Variants in FSTL5 observed in about 807,000 individuals in gnomAD.
FSTL5 encodes follistatin-related protein 5.
In FSTL5, 62 loss-of-function variants were observed where a neutral mutation model predicts 89.1. The ratio of observed to expected loss-of-function variants is 0.70; its 90% CI spans 0.57 to 0.86. The LOEUF is 0.86. Ranked by LOEUF, FSTL5 falls within the 40% of genes least tolerant of loss-of-function variation. FSTL5 has a pLI of 0.00. For missense variants in FSTL5, 1,057 were observed against 1,001.6 expected (o/e 1.06, Z -0.75); for synonymous variants, 383 against 346.2 (o/e 1.11, Z -1.18).
At chr4:161,997,750 G>T (rs769188558) in intron 3 of FSTL5, among the ~76,000 whole-genome samples, 1 of 151,500 alleles carries the variant, frequency 6.6e-6, no homozygotes, top group Non-Finnish European at 1.5e-5. Flanking sequence ...GACTAAAGGC[G>T]CCCGCCACCA....
intron 8 of FSTL5, among the ~76,000 whole-genome samples, chr4:161,581,775 C>T (rs1733446963): frequency 2.6e-5 from 4 of 152,118 alleles, no homozygotes; most frequent in Admixed American, 2.6e-4. Flanking sequence ...CACATCCGCA[C>T]AATATTATGT....
intron 7 of FSTL5, among the ~76,000 whole-genome samples, chr4:161,646,108 C>T (rs924885151): frequency 6.7e-6 from 1 of 148,972 alleles, no homozygotes; most frequent in Non-Finnish European, 1.5e-5. Flanking sequence ...AATTTGGGTT[C>T]TGTTAGCAAT....
chr4:161,587,412 T>C (rs550248737), intron 8 of FSTL5, 43 bp downstream of exon 8: 24 of 1,597,086 alleles, frequency 1.5e-5, no homozygotes, highest in Admixed American at 1.0e-4. Flanking sequence ...TAGTAAACTA[T>C]GGTGTTCTTT....
chr4:161,770,938 G>A (rs1001130009), intron 5 of FSTL5, among the ~76,000 whole-genome samples: 3 of 151,882 alleles, frequency 2.0e-5, no homozygotes, highest in East Asian at 1.9e-4. Context: ...ACACTCATGC[G>A]AGCTATATGA....
chr4:162,131,337 ATGTATT>A (rs1732294185), intron 1 of FSTL5, among the ~76,000 whole-genome samples: 1 of 152,216 alleles, frequency 6.6e-6, no homozygotes, highest in African/African-American at 2.4e-5. Context: ...AAATGAATGA[ATGTATT>A]TGTTTATACT....
At chr4:161,639,991 C>T (rs920397423) in intron 7 of FSTL5, among the ~76,000 whole-genome samples, 2 of 151,968 alleles carry the variant, frequency 1.3e-5, no homozygotes, top group African/African-American at 2.4e-5. Context: ...CTTTTTGGAA[C>T]AAGACTTTAA....
At chr4:161,644,356 A>G (rs549689448) in intron 7 of FSTL5, among the ~76,000 whole-genome samples, 1 of 152,024 alleles carries the variant, frequency 6.6e-6, no homozygotes, top group South Asian at 2.1e-4. Context: ...GTGAAACTCT[A>G]TCTCTACTAA....
rs1321763285 is a variant in FSTL5, at chr4:161,496,555, C to G, written c.1458+3461G>C. Among the ~76,000 whole-genome samples the G allele has an allele frequency of 2.6e-5, 4 of 152,050 alleles. No homozygotes were observed. In the South Asian group the frequency reaches 8.3e-4, roughly 31 times the overall value. ...AACATAGAAATCCTGCTTGAGTTTC[C>G]AGCCTGCTCTATGAATTTAAGATTC... On this transcript the variant is annotated intron_variant, in intron 12 of 15. Transcript: ENST00000306100.
At chr4:161,797,554 A>G (rs553944909) in intron 4 of FSTL5, among the ~76,000 whole-genome samples, 1 of 151,744 alleles carries the variant, frequency 6.6e-6, no homozygotes, top group Non-Finnish European at 1.5e-5. Flanking sequence ...CAAAATTAGA[A>G]ATTGAAATAT....
chr4:161,730,264 C>T (rs1739561689), intron 6 of FSTL5, among the ~76,000 whole-genome samples: 1 of 151,880 alleles, frequency 6.6e-6, no homozygotes, highest in African/African-American at 2.4e-5. Flanking sequence ...TTTGGAAACT[C>T]TAGTAATAAA....
At chr4:161,797,892 T>C (rs978643315) in intron 4 of FSTL5, among the ~76,000 whole-genome samples, 3 of 151,640 alleles carry the variant, frequency 2.0e-5, no homozygotes, top group African/African-American at 4.8e-5. Context: ...TTGAATTTCA[T>C]TTTGACCCAT....
intron 4 of FSTL5, among the ~76,000 whole-genome samples, chr4:161,878,673 A>G (rs1440590): frequency 0.83 from 126,526 of 151,744 alleles, 53,392 homozygotes; most frequent in Non-Finnish European, 0.9. Context: ...TTGTAAAATA[A>G]AATAGAATAT....
At chr4:161,630,385 G>A (rs1203307647) in intron 7 of FSTL5, among the ~76,000 whole-genome samples, 1 of 152,196 alleles carries the variant, frequency 6.6e-6, no homozygotes, top group Non-Finnish European at 1.5e-5. Flanking sequence ...TATGGCACCT[G>A]GCAGTACAGC....
chr4:161,441,365 A>G (rs1030176995), intron 15 of FSTL5, among the ~76,000 whole-genome samples: 1 of 152,100 alleles, frequency 6.6e-6, no homozygotes, highest in African/African-American at 2.4e-5. Flanking sequence ...ACTGCAGATG[A>G]TATTGCCCTT....
intron 10 of FSTL5, among the ~76,000 whole-genome samples, chr4:161,523,620 C>A (rs1335491652): frequency 2.0e-5 from 3 of 152,130 alleles, no homozygotes; most frequent in African/African-American, 4.8e-5. Context: ...TTATCCAATA[C>A]ACGGATAAAG....
At chr4:161,860,256 C>G (rs1731867382) in intron 4 of FSTL5, among the ~76,000 whole-genome samples, 2 of 151,654 alleles carry the variant, frequency 1.3e-5, no homozygotes, top group Admixed American at 6.6e-5. Context: ...CCACTGCACT[C>G]CAGCCTAGGC....
chr4:161,712,167 T>C (rs1037652919), intron 6 of FSTL5, among the ~76,000 whole-genome samples: 11 of 152,108 alleles, frequency 7.2e-5, no homozygotes, highest in African/African-American at 2.7e-4. Flanking sequence ...TTTTTGGGGG[T>C]AGAAATGTTC....
chr4:161,438,585 T>A (rs1732652816), intron 15 of FSTL5, among the ~76,000 whole-genome samples: 1 of 152,166 alleles, frequency 6.6e-6, no homozygotes, highest in South Asian at 2.1e-4. Context: ...TAAAAGTATT[T>A]ATAAAATTCT....
intron 3 of FSTL5, among the ~76,000 whole-genome samples, chr4:161,994,035 T>G (rs1205112244): frequency 1.3e-5 from 2 of 152,158 alleles, no homozygotes. Context: ...TTTCTGCTCC[T>G]CTCCCTCCTC....
Sources: gnomAD v4.1 joint callset for allele counts (sites outside exome capture counted in the v4.1 genomes callset) on GRCh38, gnomAD v4.1.1 for gene constraint, MANE v1.5 for transcripts, NCBI Gene and HGNC (gene_info 2026-07-23, HGNC 2026-07-21) for gene names.